Variants in ALKBH8 observed in about 807,000 individuals in gnomAD.
ALKBH8 encodes the protein alkB homolog 8, tRNA methyltransferase, also known as tRNA (carboxymethyluridine(34)-5-O)-methyltransferase ALKBH8.
A neutral mutation model predicts 59.8 loss-of-function variants in ALKBH8; 36 were observed. That is an observed-to-expected ratio of 0.60 (90% CI 0.46 to 0.79). The LOEUF is 0.79. ALKBH8 is among the 30% of genes least tolerant of loss of function. ALKBH8 has a pLI of 0.00. For synonymous variants in ALKBH8, 276 were observed against 273.6 expected (o/e 1.01, Z -0.09); for missense variants, 768 against 801.0 (o/e 0.96, Z 0.50).
At chr11:107,565,314 C>T in intron 1 of ALKBH8, 2 of 533,744 alleles carry the variant, frequency 3.7e-6, no homozygotes, top group Non-Finnish European at 6.7e-6. Context: ...ACTAACACGC[C>T]CCATGTTGCA....
intron 8 of ALKBH8, among the ~76,000 whole-genome samples, chr11:107,529,598 G>A (rs1386810733): frequency 2.0e-5 from 3 of 151,706 alleles, no homozygotes; most frequent in East Asian, 1.9e-4. Context: ...TCCGCCTCCC[G>A]GGTTCAAGTG....
chr11:107,553,030 T>G, intron 5 of ALKBH8, 78 bp downstream of exon 5: 1 of 833,348 alleles, frequency 1.2e-6, no homozygotes, highest in Non-Finnish European at 1.8e-6. Flanking sequence ...AAAAGAAACA[T>G]AATCCCCCAA....
intron 7 of ALKBH8, among the ~76,000 whole-genome samples, chr11:107,535,135 T>G (rs964977907): frequency 6.6e-6 from 1 of 152,216 alleles, no homozygotes; most frequent in Non-Finnish European, 1.5e-5. Flanking sequence ...TATACCACAT[T>G]TTCTTTATCC....
intron 1 of ALKBH8, chr11:107,563,593 G>C (rs910756861): frequency 6.6e-6 from 1 of 152,126 alleles, no homozygotes; most frequent in Non-Finnish European, 1.5e-5. Context: ...ACAAAACAAA[G>C]AATATCTGAG....
At chr11:107,530,703 G>A (rs1056529308) in intron 8 of ALKBH8, among the ~76,000 whole-genome samples, 3 of 151,538 alleles carry the variant, frequency 2.0e-5, no homozygotes, top group Non-Finnish European at 4.4e-5. Flanking sequence ...ATAATACTGA[G>A]GGTTTTTTCC....
At chr11:107,539,337 C>T (rs917828447) in intron 7 of ALKBH8, among the ~76,000 whole-genome samples, 3 of 152,148 alleles carry the variant, frequency 2.0e-5, no homozygotes, top group Non-Finnish European at 2.9e-5. Context: ...TGGTGGCTCA[C>T]GCCTGTAATC....
At chr11:107,543,382 A>G (rs1010195530) in intron 7 of ALKBH8, among the ~76,000 whole-genome samples, 10 of 152,168 alleles carry the variant, frequency 6.6e-5, no homozygotes, top group Non-Finnish European at 1.5e-4. Flanking sequence ...ATCTGAGGGG[A>G]AAAAAATCAA....
In ALKBH8 at chr11:107,503,017, C is replaced by G. The variant is rs1013803452; in HGVS notation, c.*1641G>C. ...CTCTCAGGAAATCTGATTCTAGAGCCCAGTTCTGAATTCCTATGCTATTTT... is the reference window on the plus strand; with the variant it reads ...CTCTCAGGAAATCTGATTCTAGAGCGCAGTTCTGAATTCCTATGCTATTTT... On this transcript the variant is annotated 3_prime_UTR_variant, in exon 12 of 12. Transcript: ENST00000428149. 1 of 151,998 alleles carries G rather than the reference C, an allele frequency of 6.6e-6. No individual in the cohort carries two copies. The highest frequency in any genetic ancestry group is 1.5e-5 in the Non-Finnish European group (1 of 68,004). The allele number at this position is 151,998 out of a possible 1,614,324, so 9.4% of individuals were successfully genotyped here.
intron 9 of ALKBH8, among the ~76,000 whole-genome samples, chr11:107,524,654 C>T (rs987540004): frequency 1.3e-5 from 2 of 152,050 alleles, no homozygotes; most frequent in Non-Finnish European, 2.9e-5. Context: ...CTCTTTTAAG[C>T]TTCAGTAACA....
chr11:107,542,344 C>G (rs753589816), intron 7 of ALKBH8, among the ~76,000 whole-genome samples: 7 of 152,162 alleles, frequency 4.6e-5, no homozygotes, highest in Middle Eastern at 3.4e-3. Context: ...AAGTCACCCT[C>G]AAATGTAACA....
intron 1 of ALKBH8, 120 bp from the exon 2 acceptor site, chr11:107,561,019 C>T (rs1056400854): frequency 2.4e-6 from 2 of 834,794 alleles, no homozygotes; most frequent in Non-Finnish European, 3.6e-6. Context: ...TTTAAAAATG[C>T]TTCATTTACC....
chr11:107,511,577 C>T (rs1862627505), intron 10 of ALKBH8, among the ~76,000 whole-genome samples: 1 of 151,846 alleles, frequency 6.6e-6, no homozygotes, highest in East Asian at 1.9e-4. Context: ...CAAAAAAAAT[C>T]AAAATAATTT....
intron 7 of ALKBH8, among the ~76,000 whole-genome samples, chr11:107,535,709 G>A (rs1331777057): frequency 6.6e-6 from 1 of 151,964 alleles, no homozygotes; most frequent in Non-Finnish European, 1.5e-5. Flanking sequence ...GGAGATGCAC[G>A]CAATATGCTT....
chr11:107,544,553 A>G (rs1864170660), intron 7 of ALKBH8, among the ~76,000 whole-genome samples: 1 of 152,198 alleles, frequency 6.6e-6, no homozygotes. Context: ...ATAGAATTCA[A>G]TGTATAAAAA....
chr11:107,565,328 G>C, intron 1 of ALKBH8: 1 of 550,498 alleles, frequency 1.8e-6, no homozygotes, highest in Non-Finnish European at 3.3e-6. Context: ...TGTTGCAACC[G>C]TCCTCTCCAA....
At chr11:107,561,174 A>C (rs1479807862) in intron 1 of ALKBH8, among the ~76,000 whole-genome samples, 3 of 152,166 alleles carry the variant, frequency 2.0e-5, no homozygotes, top group African/African-American at 7.2e-5. Context: ...TAGGTGATGA[A>C]TTCTTTACTT....
In ALKBH8 at chr11:107,522,548, C is replaced by CCA. The variant is rs1863162711; in HGVS notation, c.1037_1038insTG (p.Leu347GlyfsTer56). On this transcript the variant is annotated frameshift_variant, in exon 10 of 12. Coordinates refer to ENST00000428149, the MANE Select transcript of ALKBH8 (RefSeq NM_138775.3). LOFTEE classifies it high-confidence loss of function. Reference sequence around the variant, plus strand: ...CTTTCCTCTGGCTATCACAGACCAACGGGTAACCTTAATGAAAAAGCAATA... The same window carrying CCA: ...CTTTCCTCTGGCTATCACAGACCAACCAGGGTAACCTTAATGAAAAAGCAATA... The CCA allele has an allele frequency of 1.3e-6, 2 of 1,550,708 alleles. No homozygotes were observed. The highest frequency in any genetic ancestry group is 4.9e-5 in the East Asian group (2 of 40,906).
intron 1 of ALKBH8, 78 bp from the exon 2 acceptor site, chr11:107,560,977 T>C: frequency 7.8e-7 from 1 of 1,274,244 alleles, no homozygotes; most frequent in South Asian, 1.7e-5. Flanking sequence ...ATTCATACAT[T>C]CTATAGTTTA....
chr11:107,529,515 T>C (rs1392757413), intron 8 of ALKBH8, among the ~76,000 whole-genome samples: 1 of 152,082 alleles, frequency 6.6e-6, no homozygotes, highest in African/African-American at 2.4e-5. Context: ...CCTACTTCTT[T>C]TTTTTTTGAT....
Sources: allele counts gnomAD v4.1 joint callset (sites outside exome capture counted in the v4.1 genomes callset), GRCh38; gene constraint gnomAD v4.1.1; transcripts MANE v1.5; gene names NCBI Gene and HGNC (gene_info 2026-07-23, HGNC 2026-07-21).